Variants in DGKB observed in about 807,000 individuals in gnomAD.
DGKB encodes the protein 90 kDa diacylglycerol kinase.
A neutral mutation model predicts 114.3 loss-of-function variants in DGKB; 67 were observed. The observed-to-expected ratio is 0.59, with a 90% CI of 0.48 to 0.72. The LOEUF is 0.72. DGKB is among the 30% of genes least tolerant of loss of function. The pLI, the probability that DGKB is intolerant of heterozygous loss-of-function variation, is 0.00. For missense variants in DGKB, 907 were observed against 975.2 expected, an observed-to-expected ratio of 0.93 and a Z score of 0.93; for synonymous variants, 398 against 323.1, an observed-to-expected ratio of 1.23 and a Z score of -2.49.
At chr7:14,308,617 C>T (rs993051725) in intron 23 of DGKB, among the ~76,000 whole-genome samples, 1 of 152,050 alleles carries the variant, frequency 6.6e-6, no homozygotes, top group African/African-American at 2.4e-5. Flanking sequence ...AAACATTAAA[C>T]AACAGAAAGT....
chr7:14,289,202 T>C (rs1447962213), intron 23 of DGKB, among the ~76,000 whole-genome samples: 1 of 152,158 alleles, frequency 6.6e-6, no homozygotes, highest in Non-Finnish European at 1.5e-5. Context: ...TTTGAAATGT[T>C]GCATTGGTGA....
chr7:14,467,434 T>A (rs66487843), intron 21 of DGKB, among the ~76,000 whole-genome samples: 52,839 of 150,740 alleles, frequency 0.35, 9,581 homozygotes, highest in South Asian at 0.41. Flanking sequence ...AAATAAAATA[T>A]AAAATATAAG....
At chr7:14,919,091 CACAA>C (rs1335853746) in intron 1 of DGKB, among the ~76,000 whole-genome samples, 56 of 124,174 alleles carry the variant, frequency 4.5e-4, no homozygotes, top group East Asian at 2.1e-3. Flanking sequence ...CACACACACA[CACAA>C]ACACACACAC....
chr7:14,643,357 C>T (rs375490724), intron 13 of DGKB, among the ~76,000 whole-genome samples: 1 of 151,742 alleles, frequency 6.6e-6, no homozygotes, highest in Non-Finnish European at 1.5e-5. Flanking sequence ...TGTATTGTTC[C>T]AGAGAGGAAA....
intron 21 of DGKB, among the ~76,000 whole-genome samples, chr7:14,357,694 A>C (rs1246504598): frequency 6.6e-6 from 1 of 152,140 alleles, no homozygotes; most frequent in Non-Finnish European, 1.5e-5. Context: ...CATAGCATTG[A>C]TGGTCTTTAT....
chr7:14,623,863 T>G (rs1319225168), intron 14 of DGKB, among the ~76,000 whole-genome samples: 1 of 152,182 alleles, frequency 6.6e-6, no homozygotes, highest in East Asian at 1.9e-4. Context: ...CGAATCAGAA[T>G]GCCTGAGTTG....
intron 21 of DGKB, among the ~76,000 whole-genome samples, chr7:14,446,174 A>C (rs536330438): frequency 1.3e-5 from 2 of 152,196 alleles, no homozygotes; most frequent in East Asian, 3.9e-4. Flanking sequence ...TGTCCTCTAA[A>C]AGACTTAAGA....
chr7:14,967,799 T>C (rs1468325210), intron 1 of DGKB, among the ~76,000 whole-genome samples: 1 of 152,104 alleles, frequency 6.6e-6, no homozygotes, highest in Non-Finnish European at 1.5e-5. Context: ...TTTAAAATGC[T>C]AAAAGTAAGT....
chr7:14,372,650 A>G (rs1343191044), intron 21 of DGKB, among the ~76,000 whole-genome samples: 2 of 152,102 alleles, frequency 1.3e-5, no homozygotes, highest in South Asian at 4.1e-4. Context: ...ATGATTTCTT[A>G]AAGTGATTAG....
intron 25 of DGKB, among the ~76,000 whole-genome samples, chr7:14,165,983 C>T (rs946963677): frequency 3.9e-5 from 6 of 152,268 alleles, no homozygotes; most frequent in South Asian, 4.1e-4. Flanking sequence ...ACAAGCTTAA[C>T]GAACTGCTGA....
intron 1 of DGKB, among the ~76,000 whole-genome samples, chr7:14,843,283 A>G (rs1848184963): frequency 6.6e-6 from 1 of 150,670 alleles, no homozygotes; most frequent in Non-Finnish European, 1.5e-5. Flanking sequence ...ATAAATACAT[A>G]CAATTATTAT....
intron 25 of DGKB, among the ~76,000 whole-genome samples, chr7:14,153,979 C>G (rs760790942): frequency 6.6e-6 from 1 of 151,808 alleles, no homozygotes; most frequent in Non-Finnish European, 1.5e-5. Flanking sequence ...CTTATGTACC[C>G]TTTAAAACGT....
intron 23 of DGKB, among the ~76,000 whole-genome samples, chr7:14,305,650 C>T (rs964503056): frequency 8.5e-5 from 13 of 152,152 alleles, no homozygotes. Context: ...ACAATTGCTA[C>T]TGGCCTCAGG....
At chr7:14,792,491 G>T (rs1043695303) in intron 2 of DGKB, among the ~76,000 whole-genome samples, 1 of 152,032 alleles carries the variant, frequency 6.6e-6, no homozygotes, top group African/African-American at 2.4e-5. Flanking sequence ...AGTAAGAAAA[G>T]GTACTCATCT....
rs1292574926 is a variant in DGKB at position 14,811,385 on chromosome 7, GT to G, written c.70+29808del. 1.3e-4 allele frequency among the ~76,000 whole-genome samples: 20 copies of G among 152,228 alleles called. No homozygotes were observed. In the East Asian group the frequency reaches 3.9e-3, roughly 29 times the overall value. ...ACCACACCTGGCCTAGTAACAGGAA[GT>G]TTTAATAATACTGAAGTTGCTCTCA... On this transcript the variant is annotated intron_variant, in intron 2 of 25. Transcript: ENST00000402815.
At chr7:14,524,437 C>T (rs752927696) in intron 20 of DGKB, among the ~76,000 whole-genome samples, 6 of 152,176 alleles carry the variant, frequency 3.9e-5, no homozygotes, top group Non-Finnish European at 7.3e-5. Flanking sequence ...GAGACATAGT[C>T]TGTTCATTAA....
chr7:14,635,263 C>G (rs1239080550), intron 13 of DGKB, among the ~76,000 whole-genome samples: 2 of 101,304 alleles, frequency 2.0e-5, no homozygotes, highest in Non-Finnish European at 4.2e-5. Context: ...TTGTTTATGT[C>G]TATTTGTAGA....
chr7:14,895,892 T>A (rs1399383853), intron 1 of DGKB, among the ~76,000 whole-genome samples: 1 of 151,688 alleles, frequency 6.6e-6, no homozygotes, highest in Non-Finnish European at 1.5e-5. Context: ...AACAAACAGA[T>A]TCATTGGTCA....
chr7:14,943,934 T>C (rs1391395683), intron 1 of DGKB, among the ~76,000 whole-genome samples: 1 of 151,918 alleles, frequency 6.6e-6, no homozygotes, highest in Non-Finnish European at 1.5e-5. Context: ...AATGGATCAC[T>C]CTTAACTCAC....
Sources: allele counts gnomAD v4.1 joint callset (sites outside exome capture counted in the v4.1 genomes callset), GRCh38; gene constraint gnomAD v4.1.1; transcripts MANE v1.5; gene names NCBI Gene and HGNC (gene_info 2026-07-23, HGNC 2026-07-21).